The following MDFIC2 variants were observed in gnomAD, a reference collection of about 807,000 sequenced individuals.
MDFIC2 encodes MyoD family inhibitor domain containing 2.
chr3:70,204,008 G>A (rs932239282), intron 3 of MDFIC2, among the ~76,000 whole-genome samples: 2 of 152,156 alleles, frequency 1.3e-5, no homozygotes, highest in African/African-American at 4.8e-5. Context: ...TGTGTGATGT[G>A]CAGTAAAGAT....
rs1332574480 is a variant in MDFIC2, at chr3:70,312,596, T to A, written c.-46A>T. 4 of 152,346 alleles carry A rather than the reference T, an allele frequency of 2.6e-5. No individual in the cohort carries two copies. Among genetic ancestry groups the A allele is most frequent in the East Asian group, 3.9e-4 (2 of 5,170 alleles). The allele number at this position is 152,346 out of a possible 1,614,324, so 9.4% of individuals were successfully genotyped here. ...CCCAAGGTGTGGGACTGGGGAGCAG[T>A]GAGCTGCAGCCTCCCTTGTCTCTGG... On this transcript the variant is annotated 5_prime_UTR_variant, in exon 1 of 4. Coordinates refer to ENST00000567252, the MANE Select transcript of MDFIC2 (RefSeq NM_001364677.1).
intron 3 of MDFIC2, chr3:70,205,879 T>C (rs1334218073): frequency 6.6e-6 from 1 of 152,132 alleles, no homozygotes; most frequent in East Asian, 1.9e-4. Context: ...GTTTTTCTCC[T>C]GTAAAGGTCA....
chr3:70,265,389 A>G (rs1404776487), intron 2 of MDFIC2, among the ~76,000 whole-genome samples: 1 of 152,152 alleles, frequency 6.6e-6, no homozygotes, highest in Non-Finnish European at 1.5e-5. Flanking sequence ...AGCAAAGGTA[A>G]AGGAAGATGG....
At chr3:70,277,327 A>G (rs763041949) in intron 2 of MDFIC2, among the ~76,000 whole-genome samples, 1 of 152,158 alleles carries the variant, frequency 6.6e-6, no homozygotes, top group Non-Finnish European at 1.5e-5. Flanking sequence ...TACCTTAAAA[A>G]CTTATGTAAA....
chr3:70,251,519 T>C (rs1701767827), intron 2 of MDFIC2, among the ~76,000 whole-genome samples: 1 of 152,244 alleles, frequency 6.6e-6, no homozygotes, highest in African/African-American at 2.4e-5. Context: ...TTTATAGGCA[T>C]AGCCTTGCTC....
intron 3 of MDFIC2, among the ~76,000 whole-genome samples, chr3:70,200,075 T>A (rs376495335): frequency 2.6e-5 from 4 of 152,148 alleles, no homozygotes. Flanking sequence ...ACCTTCCCCA[T>A]GCAATTCATT....
In MDFIC2 at chr3:70,262,368, G is replaced by T. The variant is rs116281417; in HGVS notation, c.88+49518C>A. On this transcript the variant is annotated intron_variant, in intron 2 of 3. Coordinates refer to ENST00000567252, the MANE Select transcript of MDFIC2 (RefSeq NM_001364677.1). ...ACCATCTGATAACATAAGTTTTAAT[G>T]AGAAAAATATAACGGACAATAACTT... Among the ~76,000 whole-genome samples, 901 of 152,234 alleles carry T rather than the reference G, an allele frequency of 5.9e-3. 8 individuals are homozygous for T. Among genetic ancestry groups the T allele is most frequent in the African/African-American group, 0.021 (867 of 41,534 alleles).
intron 2 of MDFIC2, among the ~76,000 whole-genome samples, chr3:70,260,264 G>A (rs1013413831): frequency 7.2e-5 from 11 of 152,036 alleles, no homozygotes; most frequent in East Asian, 1.9e-4. Context: ...CTTTGTCATC[G>A]TACGGCATTT....
intron 2 of MDFIC2, among the ~76,000 whole-genome samples, chr3:70,299,099 G>T (rs1702319852): frequency 6.6e-6 from 1 of 152,170 alleles, no homozygotes; most frequent in African/African-American, 2.4e-5. Context: ...ATTCCTTTGA[G>T]ATTTAAAAGC....
At chr3:70,209,404 C>T (rs892019683) in intron 2 of MDFIC2, among the ~76,000 whole-genome samples, 2 of 151,980 alleles carry the variant, frequency 1.3e-5, no homozygotes, top group Admixed American at 6.6e-5. Context: ...CACAGAGTGG[C>T]GTGTATCTTA....
chr3:70,286,131 C>T (rs909297670), intron 2 of MDFIC2, among the ~76,000 whole-genome samples: 8 of 152,196 alleles, frequency 5.3e-5, no homozygotes, highest in African/African-American at 1.7e-4. Flanking sequence ...GAAGTCCTTG[C>T]CCATGCCTAT....
chr3:70,267,820 A>T lies in MDFIC2; in HGVS notation c.88+44066T>A, dbSNP rs923503997. Among the ~76,000 whole-genome samples, 10 of 152,216 alleles carry T rather than the reference A, an allele frequency of 6.6e-5. No individual in the cohort carries two copies. In the East Asian group the frequency reaches 1.2e-3, roughly 18 times the overall value. ...TTTTAGGAAACAAGTTTTGTTAGGT[A>T]AAAAATGGAAATTTAATATGATTAC... is the stretch of plus-strand genomic sequence containing the variant. On this transcript the variant is annotated intron_variant, in intron 2 of 3. Coordinates refer to ENST00000567252, the MANE Select transcript of MDFIC2 (RefSeq NM_001364677.1).
chr3:70,198,284 A>G (rs1032782730), intron 3 of MDFIC2, among the ~76,000 whole-genome samples: 8 of 152,270 alleles, frequency 5.3e-5, no homozygotes, highest in African/African-American at 1.7e-4. Context: ...TATTTTTCCC[A>G]ATAAGAATGC....
chr3:70,227,570 A>G (rs994875417), intron 2 of MDFIC2, among the ~76,000 whole-genome samples: 5 of 152,236 alleles, frequency 3.3e-5, no homozygotes, highest in Admixed American at 2.6e-4. Context: ...AAAATAAGAA[A>G]GTGAAAAGTT....
intron 2 of MDFIC2, among the ~76,000 whole-genome samples, chr3:70,235,573 G>A (rs867200210): frequency 1.3e-5 from 2 of 152,158 alleles, no homozygotes; most frequent in Middle Eastern, 6.8e-3. Context: ...GGTCAGTCAG[G>A]CTCACGGCTC....
At chr3:70,231,025 G>C (rs1273948848) in intron 2 of MDFIC2, among the ~76,000 whole-genome samples, 1 of 152,128 alleles carries the variant, frequency 6.6e-6, no homozygotes, top group Non-Finnish European at 1.5e-5. Context: ...CTGGAACATC[G>C]TGTCTTACCA....
At chr3:70,232,600 G>T (rs894787013) in intron 2 of MDFIC2, among the ~76,000 whole-genome samples, 1 of 151,938 alleles carries the variant, frequency 6.6e-6, no homozygotes, top group East Asian at 1.9e-4. Context: ...GGGTTTCACT[G>T]TGTGGGCCAG....
chr3:70,254,128 T>A (rs1701793619), intron 2 of MDFIC2, among the ~76,000 whole-genome samples: 1 of 118,162 alleles, frequency 8.5e-6, no homozygotes, highest in Non-Finnish European at 1.7e-5. Context: ...TAATTGTACA[T>A]AACAAAACCC....
At chr3:70,248,759 G>C (rs1701731844) in intron 2 of MDFIC2, among the ~76,000 whole-genome samples, 1 of 152,054 alleles carries the variant, frequency 6.6e-6, no homozygotes, top group Non-Finnish European at 1.5e-5. Flanking sequence ...TCAACATATT[G>C]GAAAATGGTG....
Sources: gnomAD v4.1 joint callset for allele counts (sites outside exome capture counted in the v4.1 genomes callset) on GRCh38, gnomAD v4.1.1 for gene constraint, MANE v1.5 for transcripts, NCBI Gene and HGNC (gene_info 2026-07-23, HGNC 2026-07-21) for gene names.